The following OTOF variants were observed in gnomAD, a reference collection of about 807,000 sequenced individuals.
OTOF encodes fer-1-like family member 2.
OTOF carries 218 observed loss-of-function variants against 236.8 expected under a neutral mutation model. That is an observed-to-expected ratio of 0.92 (90% CI 0.82 to 1.03). The LOEUF (loss-of-function observed/expected upper bound fraction) is 1.03, where lower values mean the gene tolerates loss of function less well. Ranked by LOEUF, OTOF falls within the 50% of genes least tolerant of loss-of-function variation. OTOF has a pLI of 0.00. For missense variants in OTOF, 2,590 were observed against 2,694.4 expected (o/e 0.96, Z 0.86); for synonymous variants, 1,041 against 1,072.5 (o/e 0.97, Z 0.57).
intron 30 of OTOF, 61 bp from the exon 31 acceptor site, chr2:26,471,211 G>A: frequency 3.2e-6 from 5 of 1,584,570 alleles, no homozygotes; most frequent in Non-Finnish European, 4.3e-6. Context: ...GTGGCAGGCA[G>A]TGGCCTAGCA....
intron 36 of OTOF, chr2:26,466,339 C>CTT: frequency 1.6e-5 from 8 of 499,288 alleles, no homozygotes; most frequent in Admixed American, 6.7e-5. Context: ...GCTTCTTCTT[C>CTT]TTTTTTTTTT....
chr2:26,462,318 A>T lies in OTOF; in HGVS notation c.5193-137T>A. The T allele has an allele frequency of 4.0e-5, 25 of 630,590 alleles. No individual in the cohort carries two copies. Among genetic ancestry groups the T allele is most frequent in the Middle Eastern group, 4.1e-4 (1 of 2,450 alleles). The allele number at this position is 630,590 out of a possible 1,614,324, so 39.1% of individuals were successfully genotyped here. A position where few individuals can be genotyped will look rare whatever the true frequency, so the allele number is the denominator to read the frequency against. ...AGGGCCTGGGCCAGGCTGGGGCTGG[A>T]GGAGTGGTTTGGGGTTGGGGGAGCA... On this transcript the variant is annotated intron_variant, in intron 41 of 46. Coordinates refer to ENST00000272371, the MANE Select transcript of OTOF (RefSeq NM_194248.3). The surrounding 1 kb of genome is among the most constrained non-coding windows in gnomAD (Gnocchi z 4.7).
At chr2:26,552,691 C>A (rs1272046154) in intron 1 of OTOF, among the ~76,000 whole-genome samples, 1 of 151,778 alleles carries the variant, frequency 6.6e-6, no homozygotes, top group Non-Finnish European at 1.5e-5. Flanking sequence ...ACATTCACTA[C>A]GTGGGGCATT....
chr2:26,543,779 T>C (rs1462531032), intron 1 of OTOF, among the ~76,000 whole-genome samples: 1 of 152,204 alleles, frequency 6.6e-6, no homozygotes, highest in Non-Finnish European at 1.5e-5. Context: ...TGCAGTGGCG[T>C]AATCTCCGCT....
chr2:26,458,100 C>A lies in OTOF; in HGVS notation c.*138G>T. The A allele has an allele frequency of 6.2e-7, 1 of 1,614,190 alleles. No homozygotes were observed. Among genetic ancestry groups the A allele is most frequent in the Non-Finnish European group, 8.5e-7 (1 of 1,180,028 alleles). On this transcript the variant is annotated 3_prime_UTR_variant, in exon 47 of 47. Transcript: ENST00000272371. ...GGAGGCTGTAGAGGAAGAGCCCCAA[C>A]ATGAGCAGCCCCAACAGCGCCAGCA... is the stretch of plus-strand genomic sequence containing the variant.
At chr2:26,518,131 A>C (rs1666581676) in intron 4 of OTOF, among the ~76,000 whole-genome samples, 1 of 152,154 alleles carries the variant, frequency 6.6e-6, no homozygotes. Context: ...TCTCTTGGCC[A>C]CTACATAGGG....
Position 26,461,116 on chromosome 2 carries a change from G to A in OTOF, c.5534-86C>T. 1 of 1,128,294 alleles carries A rather than the reference G, an allele frequency of 8.9e-7. No individual in the cohort carries two copies. The highest frequency in any genetic ancestry group is 1.3e-6 in the Non-Finnish European group (1 of 776,974). The allele number at this position is 1,128,294 out of a possible 1,614,324, so 69.9% of individuals were successfully genotyped here. On this transcript the variant is annotated intron_variant, in intron 43 of 46. Coordinates refer to ENST00000272371, the MANE Select transcript of OTOF (RefSeq NM_194248.3). This position sits in a 1 kb window ranked among gnomAD's most constrained non-coding sequence, Gnocchi z 6.2. ...GGGGGTCTGGGCTCCTCGGCCCCTT[G>A]TTTGCTGAGTGCAGACCTCCCTGAG... is the stretch of plus-strand genomic sequence containing the variant.
chr2:26,556,915 A>G (rs991415597), intron 1 of OTOF, among the ~76,000 whole-genome samples: 3 of 152,226 alleles, frequency 2.0e-5, no homozygotes, highest in African/African-American at 7.2e-5. Flanking sequence ...ATGAAAGGAC[A>G]CATTTGCTTT....
At position 26,479,273 on chromosome 2, in the gene OTOF, G is replaced by A. The variant is rs761710670; in HGVS notation, c.2205C>T (p.Ala735=). 15 of 1,612,612 alleles carry A rather than the reference G, an allele frequency of 9.3e-6. No homozygotes were observed. Among genetic ancestry groups the A allele is most frequent in the South Asian group, 3.3e-5 (3 of 90,984 alleles). ...LYNANIMDHI[A]DKLEEGLNDI... is the part of the protein sequence containing the mutation. ...CTGGCCTGGCCCTGACCAGCTTGTC[G>A]GCAATGTGGTCCATGATGTTGGCAT... The change falls in exon 18 of 47, where the codon GCC becomes GCT. Residue 735 remains alanine (A), a synonymous_variant. Transcript: ENST00000272371.
chr2:26,472,548 T>C lies in OTOF; in HGVS notation c.3835A>G (p.Lys1279Glu). ...TCCAGCTTCACCATGGTCTCCAGTT[T>C]CTTGATGGGTACCTCTGGCTCCATA... ...VTMEPEVPIK[K>E]LETMVKLDAT... Residue 1279 changes from lysine (K) to glutamate (E), a missense_variant, in exon 30 of 47, where the codon AAA becomes GAA. Physicochemically the swap from Lys to Glu is moderately conservative, Grantham distance 56. Transcript: ENST00000272371. 1 of 1,613,516 alleles carries C rather than the reference T, an allele frequency of 6.2e-7. No homozygotes were observed. Among genetic ancestry groups the C allele is most frequent in the Admixed American group, 1.7e-5 (1 of 60,020 alleles).
In OTOF at chr2:26,460,088, GAGGAGCAGCAGC is replaced by G; in HGVS notation, c.5919_5930del (p.Leu1976_Leu1979del). 6.3e-7 allele frequency: 1 copy of G among 1,580,244 alleles called. No individual in the cohort carries two copies. The highest frequency in any genetic ancestry group is 1.2e-5 in the South Asian group (1 of 86,318). On this transcript the variant is annotated inframe_deletion, in exon 46 of 47. Transcript: ENST00000272371. The surrounding 1 kb of genome is among the most constrained non-coding windows in gnomAD (Gnocchi z 5.3). ...CAGAGTAGAGGAACAGGGCGAGGAG[GAGGAGCAGCAGC>G]AGGAGCAGCAACAGTTTGAGGAGCA...
rs188272660 is a variant in OTOF at position 26,551,256 on chromosome 2, G to A, written c.79+7237C>T. Among the ~76,000 whole-genome samples, 19 of 152,350 alleles carry A rather than the reference G, an allele frequency of 1.2e-4. No homozygotes were observed. In the East Asian group the frequency reaches 3.5e-3, roughly 28 times the overall value. On this transcript the variant is annotated intron_variant, in intron 1 of 46. Coordinates refer to ENST00000272371, the MANE Select transcript of OTOF (RefSeq NM_194248.3). ...CCCCCCCGCCTTGGCCTCCCAAAGT[G>A]CTGGGATTACAGGCGTGAGCCACCA...
intron 15 of OTOF, among the ~76,000 whole-genome samples, chr2:26,480,552 A>G (rs541334846): frequency 6.8e-4 from 104 of 152,324 alleles, no homozygotes; most frequent in Middle Eastern, 6.8e-3. Flanking sequence ...GGGAGGCACC[A>G]TCGTGAGACC....
At chr2:26,528,498 G>T (rs1666864634) in intron 2 of OTOF, among the ~76,000 whole-genome samples, 1 of 152,166 alleles carries the variant, frequency 6.6e-6, no homozygotes, top group Non-Finnish European at 1.5e-5. Flanking sequence ...GTGTTATTGG[G>T]GTCAGGCCCA....
At position 26,465,770 on chromosome 2, in the gene OTOF, C is replaced by T. The variant is rs1277742522; in HGVS notation, c.4701G>A (p.Val1567=). ...TTTCCCCAATGAGGTCATCAGTGCC[C>T]ACCAGGTCCCAGTCATACACAGCCA... ...LTVAVYDWDL[V]GTDDLIGETK... is the part of the protein sequence containing the mutation. Residue 1567 remains valine, a synonymous_variant, in exon 38 of 47, where the codon GTG becomes GTA. Coordinates refer to ENST00000272371, the MANE Select transcript of OTOF (RefSeq NM_194248.3). 2 of 1,614,236 alleles carry T rather than the reference C, an allele frequency of 1.2e-6. No individual in the cohort carries two copies. Among genetic ancestry groups the T allele is most frequent in the Non-Finnish European group, 8.5e-7 (1 of 1,180,038 alleles).
At chr2:26,475,201 T>C (rs1438945316) in intron 25 of OTOF, among the ~76,000 whole-genome samples, 158 bp downstream of exon 25, 2 of 151,938 alleles carry the variant, frequency 1.3e-5, no homozygotes, top group East Asian at 3.9e-4. Context: ...AGGAGCTAGA[T>C]GTCAGCCCCC....
chr2:26,525,219 G>C (rs937035462), intron 3 of OTOF, among the ~76,000 whole-genome samples: 1 of 152,132 alleles, frequency 6.6e-6, no homozygotes, highest in Non-Finnish European at 1.5e-5. Flanking sequence ...CTGTGGCCCT[G>C]ACAGCATTTC....
At chr2:26,521,318 G>A (rs907251553) in intron 3 of OTOF, among the ~76,000 whole-genome samples, 1 of 152,216 alleles carries the variant, frequency 6.6e-6, no homozygotes, top group African/African-American at 2.4e-5. Flanking sequence ...AGAATTAGAT[G>A]CCTAAGAACA....
intron 1 of OTOF, among the ~76,000 whole-genome samples, chr2:26,541,106 A>G (rs1667203477): frequency 6.6e-6 from 1 of 152,204 alleles, no homozygotes; most frequent in Admixed American, 6.5e-5. Context: ...TAAGCCTCGG[A>G]TATAGCTGTC....
Sources: allele counts gnomAD v4.1 joint callset (sites outside exome capture counted in the v4.1 genomes callset), GRCh38; gene constraint gnomAD v4.1.1; non-coding constraint Gnocchi (gnomAD v3.1); transcripts MANE v1.5; gene names NCBI Gene and HGNC (gene_info 2026-07-23, HGNC 2026-07-21).